MCTP1: variants seen among roughly 807,000 people sequenced by gnomAD.
MCTP1 encodes the protein multiple C2 and transmembrane domain containing 1, also known as multiple C2 and transmembrane domain-containing protein 1.
In MCTP1, 69 loss-of-function variants were observed where a neutral mutation model predicts 120.6. The observed-to-expected ratio is 0.57, with a 90% confidence interval of 0.47 to 0.70. MCTP1 has a LOEUF of 0.70. Among genes scored for constraint, MCTP1 ranks in the 30% least tolerant of loss-of-function variants. MCTP1 has a pLI of 0.00. For synonymous variants in MCTP1, 529 were observed against 493.1 expected, an observed-to-expected ratio of 1.07 and a Z score of -0.96; for missense variants, 1,203 against 1,248.8, an observed-to-expected ratio of 0.96 and a Z score of 0.55.
intron 3 of MCTP1, 34 bp from the exon 4 acceptor site, chr5:94,942,461 A>T (rs780369364): frequency 1.4e-6 from 2 of 1,427,164 alleles, no homozygotes; most frequent in African/African-American, 1.4e-5. Flanking sequence ...CTTGTTATAA[A>T]TATCTCCAAT....
At chr5:94,756,559 T>G (rs1769940436) in intron 19 of MCTP1, among the ~76,000 whole-genome samples, 1 of 152,158 alleles carries the variant, frequency 6.6e-6, no homozygotes, top group African/African-American at 2.4e-5. Flanking sequence ...ATTATACACA[T>G]AGAAAGCCGA....
At chr5:94,785,841 G>C (rs1049637995) in intron 18 of MCTP1, among the ~76,000 whole-genome samples, 2 of 152,066 alleles carry the variant, frequency 1.3e-5, no homozygotes, top group Non-Finnish European at 2.9e-5. Context: ...TTAAAGAGTA[G>C]CATGTCCTGC....
intron 11 of MCTP1, among the ~76,000 whole-genome samples, chr5:94,893,266 G>A (rs1177283801): frequency 6.6e-6 from 1 of 152,080 alleles, no homozygotes; most frequent in African/African-American, 2.4e-5. Flanking sequence ...TAATATACGG[G>A]ATAATATCAA....
intron 1 of MCTP1, among the ~76,000 whole-genome samples, chr5:95,225,818 C>T (rs1754199661): frequency 6.6e-6 from 1 of 152,100 alleles, no homozygotes; most frequent in Admixed American, 6.5e-5. Flanking sequence ...CTCCATCTCC[C>T]TTCCTCCCTC....
chr5:94,996,824 G>C (rs1832715843), intron 2 of MCTP1, among the ~76,000 whole-genome samples: 1 of 152,072 alleles, frequency 6.6e-6, no homozygotes, highest in South Asian at 2.1e-4. Flanking sequence ...ACAATTCCAT[G>C]ATCCATAATT....
chr5:94,947,577 T>TATATATATATATATAGAGAGAGAGAGAG, intron 3 of MCTP1, among the ~76,000 whole-genome samples: 4 of 47,398 alleles, frequency 8.4e-5, no homozygotes, highest in Admixed American at 5.1e-4. Context: ...TATATATATA[T>TATATATATATATATAGAGAGAGAGAGAG]AGAGAGAGAG....
At chr5:95,120,000 G>A (rs1022983517) in intron 1 of MCTP1, among the ~76,000 whole-genome samples, 5 of 151,716 alleles carry the variant, frequency 3.3e-5, no homozygotes, top group Admixed American at 6.6e-5. Context: ...GTGAAACCTC[G>A]TCTCTACTAA....
At chr5:94,945,452 G>T (rs868721703) in intron 3 of MCTP1, among the ~76,000 whole-genome samples, 1 of 152,150 alleles carries the variant, frequency 6.6e-6, no homozygotes, top group African/African-American at 2.4e-5. Flanking sequence ...ATGTCTATAG[G>T]TAATTATGGC....
intron 6 of MCTP1, 72 bp from the exon 7 acceptor site, chr5:94,924,093 A>G: frequency 1.1e-6 from 1 of 895,352 alleles, no homozygotes; most frequent in Non-Finnish European, 1.6e-6. Flanking sequence ...AATACAAACA[A>G]ATAAAATCAA....
chr5:94,993,975 T>C (rs778958261), intron 2 of MCTP1, among the ~76,000 whole-genome samples: 1 of 152,174 alleles, frequency 6.6e-6, no homozygotes, highest in South Asian at 2.1e-4. Flanking sequence ...CTCTGCTTCA[T>C]AGGAACTACC....
At chr5:95,197,879 C>T (rs1048252343) in intron 1 of MCTP1, among the ~76,000 whole-genome samples, 3 of 152,020 alleles carry the variant, frequency 2.0e-5, no homozygotes, top group African/African-American at 4.8e-5. Context: ...ACATATAATC[C>T]GTGTACATTC....
intron 19 of MCTP1, among the ~76,000 whole-genome samples, chr5:94,741,484 T>C (rs1472857580): frequency 6.6e-6 from 1 of 152,178 alleles, no homozygotes; most frequent in Non-Finnish European, 1.5e-5. Context: ...TGCCAATTAT[T>C]ATGGTGTTGA....
chr5:94,742,411 G>T (rs986676788), intron 19 of MCTP1, among the ~76,000 whole-genome samples: 1 of 152,036 alleles, frequency 6.6e-6, no homozygotes, highest in Admixed American at 6.6e-5. Context: ...TCCATCTTGG[G>T]CTTAGTGATA....
At chr5:94,972,341 T>C (rs1328924765) in intron 2 of MCTP1, among the ~76,000 whole-genome samples, 11 of 151,110 alleles carry the variant, frequency 7.3e-5, no homozygotes, top group African/African-American at 2.4e-5. Context: ...CTGTGGCAGG[T>C]TGAACCCTTA....
chr5:95,029,756 G>T (rs866965165), intron 1 of MCTP1, among the ~76,000 whole-genome samples: 22 of 152,284 alleles, frequency 1.4e-4, no homozygotes, highest in Middle Eastern at 6.8e-3. Context: ...CAGAGAACTT[G>T]GTGGCCGGTT....
At chr5:94,932,020 T>C in intron 5 of MCTP1, 29 bp from the exon 6 acceptor site, 2 of 1,516,676 alleles carry the variant, frequency 1.3e-6, no homozygotes, top group Non-Finnish European at 9.1e-7. Context: ...ATTTTCATTA[T>C]CTTTTCACTC....
intron 1 of MCTP1, among the ~76,000 whole-genome samples, chr5:95,080,202 G>T (rs1582197853): frequency 6.6e-6 from 1 of 152,232 alleles, no homozygotes; most frequent in Middle Eastern, 3.4e-3. Flanking sequence ...GTACTTTTAT[G>T]GCTCACTTCC....
intron 1 of MCTP1, among the ~76,000 whole-genome samples, chr5:95,227,399 G>T (rs142559576): frequency 6.6e-6 from 1 of 152,116 alleles, no homozygotes. Flanking sequence ...TATTTTTCTA[G>T]CCCTAATAGA....
At chr5:94,804,220 C>T (rs992619180) in intron 17 of MCTP1, among the ~76,000 whole-genome samples, 2 of 152,160 alleles carry the variant, frequency 1.3e-5, no homozygotes, top group African/African-American at 4.8e-5. Context: ...AATACAGTTT[C>T]GACTAGAAGC....
Sources: gnomAD v4.1 joint callset for allele counts (sites outside exome capture counted in the v4.1 genomes callset) on GRCh38, gnomAD v4.1.1 for gene constraint, MANE v1.5 for transcripts, NCBI Gene and HGNC (gene_info 2026-07-23, HGNC 2026-07-21) for gene names.